The following SMAD3 variants were observed in gnomAD, a reference collection of about 807,000 sequenced individuals.
SMAD3 encodes SMAD family member 3.
In SMAD3, 12 loss-of-function variants were observed where a neutral mutation model predicts 51.8. That is an observed-to-expected ratio of 0.23 (90% CI 0.15 to 0.38). SMAD3 has a LOEUF of 0.38. Among genes scored for constraint, SMAD3 ranks in the 10% least tolerant of loss-of-function variants. The probability of loss-of-function intolerance (pLI) is 1.00; values close to 1 mark genes in which losing one functional copy is unlikely to be tolerated. For synonymous variants in SMAD3, 238 were observed against 227.7 expected (o/e 1.05, Z -0.41); for missense variants, 294 against 565.6 (o/e 0.52, Z 4.87).
At chr15:67,155,902 G>A (rs577409595) in intron 1 of SMAD3, among the ~76,000 whole-genome samples, 20 of 151,828 alleles carry the variant, frequency 1.3e-4, no homozygotes, top group African/African-American at 4.4e-4. Context: ...CAGGAGAATC[G>A]CTTGAACCCG....
Position 67,066,049 on chromosome 15 carries a change from G to A in SMAD3, c.-106G>A. The A allele has an allele frequency of 1.6e-6, 1 of 635,576 alleles. No individual in the cohort carries two copies. The highest frequency in any genetic ancestry group is 4.0e-5 in the South Asian group (1 of 25,184). 39.4% of individuals were successfully genotyped at this position (635,576 alleles called of 1,614,324 possible). ...TCGCCGAGAGTTGAGGCGAAGTTTG[G>A]GCGACCGCGGCAGGCCCCGGCCGAG... On this transcript the variant is annotated 5_prime_UTR_variant, in exon 1 of 9. Transcript: ENST00000327367.
intron 1 of SMAD3, among the ~76,000 whole-genome samples, chr15:67,107,530 G>A (rs919304075): frequency 2.6e-5 from 4 of 152,212 alleles, no homozygotes; most frequent in East Asian, 1.9e-4. Context: ...GATGAAGTCC[G>A]TCATTCGGCT....
At position 67,166,089 on chromosome 15, in the gene SMAD3, G is replaced by T. The variant is rs189793484; in HGVS notation, c.533-690G>T. On this transcript the variant is annotated intron_variant, in intron 3 of 8. Transcript: ENST00000327367. ...ACGTTCATCCTGGGTTAGTTTACTGGGCTGAGATTGGCTACAGGCCTGTGT... is the reference window on the plus strand; with the variant it reads ...ACGTTCATCCTGGGTTAGTTTACTGTGCTGAGATTGGCTACAGGCCTGTGT... 1,131 of 761,242 alleles carry T rather than the reference G, an allele frequency of 1.5e-3. 14 individuals are homozygous for T. In the African/African-American group the frequency reaches 0.02, roughly 14 times the overall value. 47.2% of individuals were successfully genotyped at this position (761,242 alleles called of 1,614,324 possible).
intron 1 of SMAD3, among the ~76,000 whole-genome samples, chr15:67,118,403 T>C (rs1305500024): frequency 6.6e-6 from 1 of 152,232 alleles, no homozygotes; most frequent in East Asian, 1.9e-4. Flanking sequence ...AGTTCTTGTT[T>C]TGTTTGATTT....
chr15:67,104,942 G>A (rs942100911), intron 1 of SMAD3, among the ~76,000 whole-genome samples: 3 of 152,240 alleles, frequency 2.0e-5, no homozygotes, highest in African/African-American at 4.8e-5. Flanking sequence ...GTGCAGCTGC[G>A]TGCAGACTTC....
intron 1 of SMAD3, among the ~76,000 whole-genome samples, chr15:67,123,472 T>G (rs1961315623): frequency 6.6e-6 from 1 of 152,174 alleles, no homozygotes; most frequent in Admixed American, 6.6e-5. Flanking sequence ...GCACTCCAGC[T>G]TGGGCAACAA....
intron 1 of SMAD3, among the ~76,000 whole-genome samples, chr15:67,071,715 G>A (rs1960057786): frequency 6.6e-6 from 1 of 152,204 alleles, no homozygotes; most frequent in African/African-American, 2.4e-5. Flanking sequence ...GGGAGGCTGA[G>A]GCAAGAGAAT....
chr15:67,154,682 T>C (rs1349046123), intron 1 of SMAD3, among the ~76,000 whole-genome samples: 1 of 152,234 alleles, frequency 6.6e-6, no homozygotes, highest in African/African-American at 2.4e-5. Context: ...CATCCTGAGT[T>C]CTGTTTGTAA....
At chr15:67,185,087 G>A (rs1027051788) in intron 7 of SMAD3, among the ~76,000 whole-genome samples, 1 of 152,240 alleles carries the variant, frequency 6.6e-6, no homozygotes, top group Non-Finnish European at 1.5e-5. Flanking sequence ...CCTTTAACCT[G>A]TGGGTACCTG....
intron 1 of SMAD3, among the ~76,000 whole-genome samples, chr15:67,127,919 T>G (rs1961431790): frequency 6.6e-6 from 1 of 152,200 alleles, no homozygotes; most frequent in Admixed American, 6.5e-5. Context: ...AACTTGGGAA[T>G]AAATTTTCAG....
At position 67,192,564 on chromosome 15, in the gene SMAD3, T is replaced by C. The variant is rs549152312; in HGVS notation, c.*2028T>C. 4.5e-4 allele frequency: 104 copies of C among 233,358 alleles called. No homozygotes were observed. The highest frequency in any genetic ancestry group is 6.5e-4 in the Non-Finnish European group (77 of 117,996). 14.5% of individuals were successfully genotyped at this position (233,358 alleles called of 1,614,324 possible). On this transcript the variant is annotated 3_prime_UTR_variant, in exon 9 of 9. Transcript: ENST00000327367. The stretch of plus-strand genomic sequence containing the variant: ...GAACCAAATATTCCATTTTGGCTTC[T>C]GCTAGAGCAGTCATGGTTCCTCTCC...
chr15:67,166,799 C>T lies in SMAD3; in HGVS notation c.553C>T (p.Leu185=), dbSNP rs768301198. 1.3e-6 allele frequency: 2 copies of T among 1,596,832 alleles called. No homozygotes were observed. Among genetic ancestry groups the T allele is most frequent in the South Asian group, 1.1e-5 (1 of 87,546 alleles). ...CCCAGAGACCCCACCCCCTGGCTAC[C>T]TGAGTGAAGATGGAGAAACCAGTGA... ...NIPETPPPGY[L]SEDGETSDHQ... Residue 185 remains leucine, a synonymous_variant, in exon 4 of 9, where the codon CTG becomes TTG. Transcript: ENST00000327367.
intron 1 of SMAD3, chr15:67,138,369 G>C: frequency 2.2e-6 from 1 of 451,960 alleles, no homozygotes. Context: ...GCCCCAGGAT[G>C]GAGCTTGCTT....
At chr15:67,174,712 A>C (rs1595950488) in intron 5 of SMAD3, 1 of 152,262 alleles carries the variant, frequency 6.6e-6, no homozygotes, top group African/African-American at 2.4e-5. Flanking sequence ...GCAAGCACAC[A>C]GGGAGCTCTT....
At chr15:67,085,868 G>GCACACACACA (rs78357581) in intron 1 of SMAD3, among the ~76,000 whole-genome samples, 1,104 of 100,082 alleles carry the variant, frequency 0.011, 15 homozygotes, top group African/African-American at 0.034. Flanking sequence ...AAAAAAGCGT[G>GCACACACACA]CACACACACA....
intron 1 of SMAD3, among the ~76,000 whole-genome samples, chr15:67,092,494 C>T (rs963071290): frequency 2.6e-5 from 4 of 152,202 alleles, no homozygotes; most frequent in Non-Finnish European, 5.9e-5. Flanking sequence ...GGCCCCGCCC[C>T]CAGGCCTCTT....
intron 6 of SMAD3, among the ~76,000 whole-genome samples, chr15:67,182,990 A>T (rs1469472047): frequency 2.9e-4 from 9 of 31,326 alleles, no homozygotes; most frequent in African/African-American, 1.1e-3. Flanking sequence ...TTTTATTAAA[A>T]AAAAAAAAAA....
chr15:67,164,500 C>G (rs1436516032), intron 1 of SMAD3, among the ~76,000 whole-genome samples: 2 of 152,056 alleles, frequency 1.3e-5, no homozygotes, highest in African/African-American at 4.8e-5. Flanking sequence ...CATTGTCTTC[C>G]CCAGCCCTGT....
rs368492871 is a variant in SMAD3, at chr15:67,166,907, TCATCCCTTC to T, written c.607+65_607+73del. On this transcript the variant is annotated intron_variant, in intron 4 of 8. Coordinates refer to ENST00000327367, the MANE Select transcript of SMAD3 (RefSeq NM_005902.4). ...CTTAACTGATTAGCAGCTGGTGGGT[TCATCCCTTC>T]CATCCCTTCCTCTTCGCCCTCTCCC... The T allele has an allele frequency of 1.6e-3, 2,218 of 1,396,382 alleles. 34 individuals are homozygous for T. In the African/African-American group the frequency reaches 0.029, roughly 18 times the overall value. The allele number at this position is 1,396,382 out of a possible 1,614,324, so 86.5% of individuals were successfully genotyped here. A position where few individuals can be genotyped will look rare whatever the true frequency, so the allele number is the denominator to read the frequency against.
Sources: allele counts gnomAD v4.1 joint callset (sites outside exome capture counted in the v4.1 genomes callset), GRCh38; gene constraint gnomAD v4.1.1; transcripts MANE v1.5; gene names NCBI Gene and HGNC (gene_info 2026-07-23, HGNC 2026-07-21).